The following ARHGEF7 variants were observed in gnomAD, a reference collection of about 807,000 sequenced individuals.
ARHGEF7 encodes the protein Rho guanine nucleotide exchange factor 7, also known as PAK-interacting exchange factor beta.
ARHGEF7 carries 33 observed loss-of-function variants against 109.8 expected under a neutral mutation model. The observed-to-expected ratio is 0.30, with a 90% CI of 0.23 to 0.40. The LOEUF is 0.40. ARHGEF7 is among the 10% of genes least tolerant of loss of function. The probability of loss-of-function intolerance (pLI) is 1.00; values close to 1 mark genes in which losing one functional copy is unlikely to be tolerated. For synonymous variants in ARHGEF7, 458 were observed against 424.6 expected, an observed-to-expected ratio of 1.08 and a Z score of -0.97; for missense variants, 938 against 1,098.5, an observed-to-expected ratio of 0.85 and a Z score of 2.07.
chr13:111,268,389 T>C (rs1009051346), intron 9 of ARHGEF7, among the ~76,000 whole-genome samples: 7 of 152,250 alleles, frequency 4.6e-5, no homozygotes, highest in African/African-American at 1.7e-4. Flanking sequence ...ATTAATATTT[T>C]ACAAAAAATT....
intron 2 of ARHGEF7, among the ~76,000 whole-genome samples, chr13:111,201,915 A>G (rs946736249): frequency 2.0e-5 from 3 of 151,974 alleles, no homozygotes; most frequent in Non-Finnish European, 2.9e-5. Flanking sequence ...TTGTTTGAAT[A>G]CTCTGGGCTT....
Position 111,300,790 on chromosome 13 carries a change from A to T in ARHGEF7, c.2354A>T (p.Glu785Val). The T allele has an allele frequency of 6.2e-7, 1 of 1,612,190 alleles. No homozygotes were observed. The highest frequency in any genetic ancestry group is 8.5e-7 in the Non-Finnish European group (1 of 1,179,194). Residue 785 changes from glutamate to valine, a missense_variant, in exon 20 of 22, where the codon GAA becomes GTA. Physicochemically the swap from Glu to Val is moderately radical, Grantham distance 121. Coordinates refer to ENST00000646102, the MANE Select transcript of ARHGEF7 (RefSeq NM_001354046.2). ...ESAPQVLLPEEEKIIVEETKS... is the reference protein window; with the variant it reads ...ESAPQVLLPEVEKIIVEETKS... ...GCTCCACAAGTTTTGCTTCCAGAAG[A>T]AGAGAAAATTATAGTGGAAGAAACT...
chr13:111,215,271 G>T (rs958365427), intron 4 of ARHGEF7, among the ~76,000 whole-genome samples: 1 of 152,120 alleles, frequency 6.6e-6, no homozygotes, highest in African/African-American at 2.4e-5. Flanking sequence ...GTGTCCTGCG[G>T]GGCTGAGGGG....
At chr13:111,204,432 T>G (rs1162725143) in intron 2 of ARHGEF7, among the ~76,000 whole-genome samples, 3 of 152,232 alleles carry the variant, frequency 2.0e-5, no homozygotes. Flanking sequence ...ATTTGACTGT[T>G]TATCTTTGCT....
intron 2 of ARHGEF7, among the ~76,000 whole-genome samples, chr13:111,176,396 C>G (rs192921499): frequency 2.3e-4 from 35 of 152,344 alleles, no homozygotes; most frequent in African/African-American, 6.7e-4. Context: ...GTGCCTCTCC[C>G]CCTCTGGCAT....
intron 2 of ARHGEF7, among the ~76,000 whole-genome samples, chr13:111,157,707 A>T (rs2076448333): frequency 6.6e-6 from 1 of 152,212 alleles, no homozygotes. Flanking sequence ...AGAAATTCAG[A>T]GTGATTTCTG....
Position 111,283,453 on chromosome 13 carries a change from G to A in ARHGEF7, c.1950+90G>A, listed in dbSNP as rs921206089. The A allele has an allele frequency of 2.7e-6, 4 of 1,475,694 alleles. No homozygotes were observed. In the African/African-American group the frequency reaches 4.2e-5, roughly 16 times the overall value. The allele number at this position is 1,475,694 out of a possible 1,614,324, so 91.4% of individuals were successfully genotyped here. On this transcript the variant is annotated intron_variant, in intron 16 of 21. Transcript: ENST00000646102. ...CCACGTGCTGGGCCTTCTGTGTACA[G>A]CAAAATGCACCCTAACTCCTAGAGA...
At chr13:111,184,634 G>C (rs1323207723) in intron 2 of ARHGEF7, among the ~76,000 whole-genome samples, 2 of 152,230 alleles carry the variant, frequency 1.3e-5, no homozygotes, top group African/African-American at 2.4e-5. Context: ...TCAGCTGGAG[G>C]GAGGGGGAGA....
intron 2 of ARHGEF7, among the ~76,000 whole-genome samples, chr13:111,185,560 G>A (rs2079161074): frequency 6.6e-6 from 1 of 152,210 alleles, no homozygotes. Flanking sequence ...TTAATGGAAT[G>A]GGCGCATTGC....
At chr13:111,162,333 T>C (rs796481885) in intron 2 of ARHGEF7, among the ~76,000 whole-genome samples, 26 of 152,350 alleles carry the variant, frequency 1.7e-4, no homozygotes, top group African/African-American at 5.8e-4. Flanking sequence ...ATTTCCTGCA[T>C]TGGACTTTTG....
In ARHGEF7 at chr13:111,115,516, G is replaced by C. The variant is rs746962215; in HGVS notation, c.-11G>C. 6.0e-5 allele frequency: 77 copies of C among 1,285,618 alleles called. No individual in the cohort carries two copies. The highest frequency in any genetic ancestry group is 7.6e-5 in the Non-Finnish European group (75 of 992,120). The allele number at this position is 1,285,618 out of a possible 1,614,324, so 79.6% of individuals were successfully genotyped here. ...GCGCGCCCCTCCCCGCCTGCCTCCC[G>C]GGCCGCAGCGATGAATTCCGCCGAG... On this transcript the variant is annotated 5_prime_UTR_variant, in exon 1 of 22. Coordinates refer to ENST00000646102, the MANE Select transcript of ARHGEF7 (RefSeq NM_001354046.2).
intron 8 of ARHGEF7, among the ~76,000 whole-genome samples, chr13:111,262,830 A>T (rs1055790597): frequency 6.6e-6 from 1 of 152,186 alleles, no homozygotes; most frequent in African/African-American, 2.4e-5. Flanking sequence ...CAGATCATTC[A>T]TGGACACAAT....
chr13:111,153,760 G>A (rs548795141), intron 1 of ARHGEF7, 145 bp from the exon 2 acceptor site: 2 of 1,351,728 alleles, frequency 1.5e-6, no homozygotes, highest in East Asian at 3.2e-5. Flanking sequence ...GGCATCTGGG[G>A]CAGCGGGCTC....
At chr13:111,172,750 A>G (rs565475977) in intron 2 of ARHGEF7, among the ~76,000 whole-genome samples, 5 of 152,260 alleles carry the variant, frequency 3.3e-5, no homozygotes, top group Admixed American at 6.5e-5. Flanking sequence ...GACAGTAACT[A>G]TCTTGTGGGG....
chr13:111,175,837 A>C lies in ARHGEF7; in HGVS notation c.252+21846A>C, dbSNP rs576098313. Among the ~76,000 whole-genome samples, 5 of 152,342 alleles carry C rather than the reference A, an allele frequency of 3.3e-5. No individual in the cohort carries two copies. In the East Asian group the frequency reaches 9.6e-4, roughly 29 times the overall value. On this transcript the variant is annotated intron_variant, in intron 2 of 21. Coordinates refer to ENST00000646102, the MANE Select transcript of ARHGEF7 (RefSeq NM_001354046.2). ...AGAAAGGTTTAATTTACTCACAGTTAACACAGGGCTGGGGAGGTCCCAGGA... is the reference window on the plus strand; with the variant it reads ...AGAAAGGTTTAATTTACTCACAGTTCACACAGGGCTGGGGAGGTCCCAGGA...
chr13:111,221,181 ATATATGTC>A (rs1481128557), intron 5 of ARHGEF7, among the ~76,000 whole-genome samples: 2 of 75,156 alleles, frequency 2.7e-5, no homozygotes, highest in African/African-American at 1.1e-4. Flanking sequence ...CTATATAGAT[ATATATGTC>A]TATATATATC....
intron 4 of ARHGEF7, among the ~76,000 whole-genome samples, chr13:111,212,210 C>T (rs1566837282): frequency 6.6e-6 from 1 of 152,194 alleles, no homozygotes; most frequent in Admixed American, 6.5e-5. Flanking sequence ...CTGCTTTGCA[C>T]TGCAGTGGAG....
At chr13:111,261,532 C>T (rs939358382) in intron 8 of ARHGEF7, among the ~76,000 whole-genome samples, 2 of 152,208 alleles carry the variant, frequency 1.3e-5, no homozygotes, top group Non-Finnish European at 2.9e-5. Context: ...ACACCACTTT[C>T]AGCACTGGAC....
chr13:111,254,650 C>T (rs1203254863), intron 8 of ARHGEF7, among the ~76,000 whole-genome samples: 2 of 109,294 alleles, frequency 1.8e-5, no homozygotes, highest in Admixed American at 9.1e-5. Flanking sequence ...GAAGAGGATT[C>T]GGGCTAAGGC....
Sources: gnomAD v4.1 joint callset for allele counts (sites outside exome capture counted in the v4.1 genomes callset) on GRCh38, gnomAD v4.1.1 for gene constraint, MANE v1.5 for transcripts, NCBI Gene and HGNC (gene_info 2026-07-23, HGNC 2026-07-21) for gene names.